Variants in ZNF33B observed in about 807,000 individuals in gnomAD.
ZNF33B encodes zinc finger protein 11b (KOX 2).
Under a neutral mutation model 45.8 loss-of-function variants are expected in ZNF33B, and 29 were observed. The ratio of observed to expected loss-of-function variants is 0.63; its 90% confidence interval spans 0.47 to 0.86. The LOEUF (loss-of-function observed/expected upper bound fraction) is 0.86, where lower values mean the gene tolerates loss of function less well. ZNF33B is among the 40% of genes least tolerant of loss of function. ZNF33B has a pLI of 0.00. For missense variants in ZNF33B, 831 were observed against 909.9 expected (o/e 0.91, Z 1.12); for synonymous variants, 305 against 307.8 (o/e 0.99, Z 0.10).
intron 4 of ZNF33B, among the ~76,000 whole-genome samples, chr10:42,624,060 G>A (rs1000257224): frequency 2.0e-5 from 3 of 152,228 alleles, no homozygotes; most frequent in Non-Finnish European, 2.9e-5. Flanking sequence ...AGGGCCTGGT[G>A]AGGGCCTCTT....
intron 4 of ZNF33B, among the ~76,000 whole-genome samples, chr10:42,606,401 G>A (rs1256671729): frequency 1.3e-5 from 2 of 152,068 alleles, no homozygotes; most frequent in Admixed American, 1.3e-4. Context: ...GGAGACAGGG[G>A]TTACAGTGAG....
At chr10:42,618,450 G>C (rs1194526223) in intron 4 of ZNF33B, among the ~76,000 whole-genome samples, 1 of 152,296 alleles carries the variant, frequency 6.6e-6, no homozygotes, top group African/African-American at 2.4e-5. Context: ...ATGTCTAACA[G>C]TGTAACTAGT....
Position 42,594,111 on chromosome 10 carries a change from C to G in ZNF33B, c.839G>C (p.Cys280Ser). The G allele has an allele frequency of 8.1e-6, 13 of 1,613,996 alleles. No individual in the cohort carries two copies. Among genetic ancestry groups the G allele is most frequent in the Non-Finnish European group, 1.0e-5 (12 of 1,179,948 alleles). ...GGACTTCACACATAAGAACTTCTCA[C>G]AATCACTAAATTCATAGTGACTGTC... ...SKDSHYEFSD[C>S]EKFLCVKSTL... Residue 280 changes from cysteine to serine, a missense_variant, in exon 5 of 5, where the codon TGT becomes TCT. Transcript: ENST00000359467.
At chr10:42,577,132 C>A (rs1432478487) in intron 1 of ZNF33B, among the ~76,000 whole-genome samples, 201 of 81,554 alleles carry the variant, frequency 2.5e-3, no homozygotes, top group African/African-American at 4.5e-3. Context: ...GACTCCATCT[C>A]AAAAAAAAAA....
intron 1 of ZNF33B, among the ~76,000 whole-genome samples, chr10:42,577,519 G>A (rs1589007744): frequency 6.6e-6 from 1 of 152,162 alleles, no homozygotes; most frequent in South Asian, 2.1e-4. Context: ...TTCCTTTAGT[G>A]AATCTCTCTA....
chr10:42,591,347 G>A lies in ZNF33B; in HGVS notation c.*1266C>T. On this transcript the variant is annotated 3_prime_UTR_variant, in exon 5 of 5. Transcript: ENST00000359467. Reference sequence around the variant, plus strand: ...CACATATGTACCCCAGGCAGTTCATGGCATGGGATGAGCCACAGGTAGTAA... The same window carrying A: ...CACATATGTACCCCAGGCAGTTCATAGCATGGGATGAGCCACAGGTAGTAA... The A allele has an allele frequency of 1.9e-6, 1 of 531,770 alleles. No individual in the cohort carries two copies. Among genetic ancestry groups the A allele is most frequent in the Non-Finnish European group, 2.4e-6 (1 of 415,718 alleles). 32.9% of individuals were successfully genotyped at this position (531,770 alleles called of 1,614,324 possible).
At chr10:42,614,629 G>A (rs1838236038) in intron 4 of ZNF33B, among the ~76,000 whole-genome samples, 1 of 152,140 alleles carries the variant, frequency 6.6e-6, no homozygotes, top group African/African-American at 2.4e-5. Flanking sequence ...AGACAAAGGA[G>A]ATACATAAAT....
intron 4 of ZNF33B, among the ~76,000 whole-genome samples, chr10:42,606,728 C>A (rs1837873099): frequency 6.6e-6 from 1 of 151,564 alleles, no homozygotes; most frequent in Non-Finnish European, 1.5e-5. Flanking sequence ...ATGGGTCAAC[C>A]ACCATGGCAC....
intron 4 of ZNF33B, among the ~76,000 whole-genome samples, chr10:42,598,407 G>A (rs754852748): frequency 2.0e-5 from 3 of 152,226 alleles, no homozygotes; most frequent in Non-Finnish European, 4.4e-5. Context: ...TGCAGACAAA[G>A]GTCATGGCCT....
chr10:42,582,977 T>C (rs1447721573), intron 1 of ZNF33B: 3 of 655,660 alleles, frequency 4.6e-6, no homozygotes, highest in South Asian at 3.1e-5. Context: ...GTGACCACCA[T>C]CCCCACCTCA....
chr10:42,632,020 A>G lies in ZNF33B; in HGVS notation c.159T>C (p.Tyr53=), dbSNP rs1589073859. The G allele has an allele frequency of 6.2e-7, 1 of 1,614,000 alleles. No homozygotes were observed. Among genetic ancestry groups the G allele is most frequent in the Non-Finnish European group, 8.5e-7 (1 of 1,179,928 alleles). The change falls in exon 4 of 5, where the codon TAT becomes TAC. Residue 53 remains tyrosine (Y), a synonymous_variant. Coordinates refer to ENST00000359467, the MANE Select transcript of ZNF33B (RefSeq NM_006955.3). ...AGATCACCTCTGGTTTGTGAGCACA[A>G]TACCCTGTTAACAGGAAATAATTTA... is the stretch of plus-strand genomic sequence containing the variant. The part of the protein sequence containing the change: ...ENYSNLVSVG[Y]CAHKPEVIFR...
In ZNF33B at chr10:42,590,864, G is replaced by A. The variant is rs1837093798; in HGVS notation, c.*1749C>T. The stretch of plus-strand genomic sequence containing the variant: ...TATCAATTTTACCCACCTTTTCAAA[G>A]AACAGTTTTGGGTTTTATTGATTTT... On this transcript the variant is annotated 3_prime_UTR_variant, in exon 5 of 5. Coordinates refer to ENST00000359467, the MANE Select transcript of ZNF33B (RefSeq NM_006955.3). The A allele has an allele frequency of 6.6e-6, 1 of 152,158 alleles. No homozygotes were observed. The highest frequency in any genetic ancestry group is 2.1e-4 in the South Asian group (1 of 4,830). 9.4% of individuals were successfully genotyped at this position (152,158 alleles called of 1,614,324 possible).
At chr10:42,629,622 T>C (rs1325320992) in intron 4 of ZNF33B, among the ~76,000 whole-genome samples, 2 of 152,198 alleles carry the variant, frequency 1.3e-5, no homozygotes, top group African/African-American at 4.8e-5. Flanking sequence ...ATGTTTTATG[T>C]TTTTTCCACT....
In ZNF33B at chr10:42,590,515, G is replaced by C. The variant is rs1837077086; in HGVS notation, c.*2098C>G. On this transcript the variant is annotated 3_prime_UTR_variant, in exon 5 of 5. Transcript: ENST00000359467. ...TTCTTCTGCCTCAGCCTCCTGAGTA[G>C]CTTGGACTATACACGCATGCCACCA... 6.6e-6 allele frequency: 1 copy of C among 152,162 alleles called. No individual in the cohort carries two copies. 9.4% of individuals were successfully genotyped at this position (152,162 alleles called of 1,614,324 possible).
intron 4 of ZNF33B, among the ~76,000 whole-genome samples, chr10:42,605,784 T>C (rs1837816578): frequency 6.6e-6 from 1 of 152,112 alleles, no homozygotes; most frequent in South Asian, 2.1e-4. Flanking sequence ...CTATAACATA[T>C]AGAAATGCAA....
intron 4 of ZNF33B, among the ~76,000 whole-genome samples, chr10:42,597,449 T>C (rs1215177578): frequency 1.3e-5 from 2 of 152,084 alleles, no homozygotes; most frequent in African/African-American, 4.8e-5. Context: ...TTACTAATAG[T>C]TTGTTAATAT....
At chr10:42,633,278 G>A (rs1052742731) in intron 2 of ZNF33B, among the ~76,000 whole-genome samples, 6 of 152,176 alleles carry the variant, frequency 3.9e-5, no homozygotes, top group Admixed American at 1.3e-4. Context: ...GGAGTACATA[G>A]GAGAAGACAT....
At chr10:42,619,945 C>T (rs209382) in intron 4 of ZNF33B, among the ~76,000 whole-genome samples, 4,610 of 151,956 alleles carry the variant, frequency 0.03, 202 homozygotes, top group East Asian at 0.13. Flanking sequence ...CAGGTGTGGT[C>T]GGCTCATGCC....
chr10:42,625,821 C>T (rs1838784026), intron 4 of ZNF33B, among the ~76,000 whole-genome samples: 2 of 152,228 alleles, frequency 1.3e-5, no homozygotes, highest in Non-Finnish European at 1.5e-5. Context: ...CATATACAGT[C>T]ATGTCATGTG....
Sources: gnomAD v4.1 joint callset for allele counts (sites outside exome capture counted in the v4.1 genomes callset) on GRCh38, gnomAD v4.1.1 for gene constraint, MANE v1.5 for transcripts, NCBI Gene and HGNC (gene_info 2026-07-23, HGNC 2026-07-21) for gene names.